LRRC7: variants seen among roughly 807,000 people sequenced by gnomAD.
The protein encoded by LRRC7 is leucine rich repeat containing 7.
A neutral mutation model predicts 175.7 loss-of-function variants in LRRC7; 23 were observed. The observed-to-expected ratio is 0.13, with a 90% CI of 0.09 to 0.19. The LOEUF (loss-of-function observed/expected upper bound fraction) is 0.19, where lower values mean the gene tolerates loss of function less well. Among genes scored for constraint, LRRC7 ranks in the 10% least tolerant of loss-of-function variants. The probability of loss-of-function intolerance (pLI) is 1.00; values close to 1 mark genes in which losing one functional copy is unlikely to be tolerated. For synonymous variants in LRRC7, 685 were observed against 680.9 expected (o/e 1.01, Z -0.09); for missense variants, 1,354 against 1,904.7 (o/e 0.71, Z 5.38).
rs1178276601 is a variant in LRRC7 at position 70,039,675 on chromosome 1, A to G, written c.3851A>G (p.Asp1284Gly). ...GGTAACTATGGTGACAAGCCATCAGATAACAGTGATTTAAAGACGAGGCCT... is the reference window on the plus strand; with the variant it reads ...GGTAACTATGGTGACAAGCCATCAGGTAACAGTGATTTAAAGACGAGGCCT... ...NLGNYGDKPS[D>G]NSDLKTRPTP... Residue 1284 changes from aspartate to glycine, a missense_variant, in exon 21 of 27, where the codon GAT becomes GGT. This residue lies in a region of LRRC7 where 1,032 missense variants were observed against 1,227.2 expected (regional missense o/e 0.84). Coordinates refer to ENST00000651989, the MANE Select transcript of LRRC7 (RefSeq NM_001370785.2). 3.1e-6 allele frequency: 5 copies of G among 1,614,152 alleles called. No individual in the cohort carries two copies. The highest frequency in any genetic ancestry group is 2.2e-5 in the East Asian group (1 of 44,850).
chr1:70,018,796 C>G lies in LRRC7; in HGVS notation c.1398C>G (p.Pro466=). ...KQRVLTNYMF[P]QQPRGDEDFQ... ...GAGTATTGACTAACTACATGTTTCC[C>G]CAGCAGCCTCGTGGTGATGAAGGTA... Residue 466 remains proline, a synonymous_variant, in exon 15 of 27, where the codon CCC becomes CCG. Coordinates refer to ENST00000651989, the MANE Select transcript of LRRC7 (RefSeq NM_001370785.2). 1 of 1,612,274 alleles carries G rather than the reference C, an allele frequency of 6.2e-7. No homozygotes were observed. The highest frequency in any genetic ancestry group is 8.5e-7 in the Non-Finnish European group (1 of 1,178,708).
chr1:69,886,511 C>T (rs1434133266), intron 7 of LRRC7, among the ~76,000 whole-genome samples: 1 of 152,044 alleles, frequency 6.6e-6, no homozygotes, highest in African/African-American at 2.4e-5. Flanking sequence ...TTATGTGTGT[C>T]TCTGCACGTG....
At chr1:70,069,499 A>G (rs1662224276) in intron 23 of LRRC7, among the ~76,000 whole-genome samples, 1 of 152,130 alleles carries the variant, frequency 6.6e-6, no homozygotes, top group Non-Finnish European at 1.5e-5. Flanking sequence ...GACACAGCCA[A>G]ACTTTATCAG....
At chr1:69,607,029 A>G (rs925715600) in intron 1 of LRRC7, 3 of 152,100 alleles carry the variant, frequency 2.0e-5, no homozygotes, top group Admixed American at 1.3e-4. Context: ...ACTATAGGAG[A>G]TAAATAGACA....
At chr1:69,930,419 TTCAA>T (rs1235648187) in intron 7 of LRRC7, among the ~76,000 whole-genome samples, 2 of 152,318 alleles carry the variant, frequency 1.3e-5, no homozygotes, top group Non-Finnish European at 2.9e-5. Flanking sequence ...TTTCTAAGAT[TTCAA>T]TCAATGGTGT....
intron 1 of LRRC7, among the ~76,000 whole-genome samples, chr1:69,632,757 T>C (rs1652713637): frequency 6.6e-6 from 1 of 152,086 alleles, no homozygotes; most frequent in South Asian, 2.1e-4. Flanking sequence ...ATTATTGGAG[T>C]CTCAGTGACT....
intron 4 of LRRC7, among the ~76,000 whole-genome samples, chr1:69,814,614 C>T (rs946356442): frequency 7.9e-5 from 12 of 152,118 alleles, no homozygotes; most frequent in Non-Finnish European, 1.2e-4. Flanking sequence ...ACTTGGTCAC[C>T]TTTCCAACCT....
chr1:70,103,192 A>G (rs551124659), intron 25 of LRRC7, among the ~76,000 whole-genome samples: 3 of 151,904 alleles, frequency 2.0e-5, no homozygotes, highest in East Asian at 1.9e-4. Flanking sequence ...TCATGCCACT[A>G]TACTCCAGCC....
intron 7 of LRRC7, among the ~76,000 whole-genome samples, chr1:69,839,344 A>G (rs565092181): frequency 6.6e-6 from 1 of 152,254 alleles, no homozygotes; most frequent in Non-Finnish European, 1.5e-5. Context: ...TTAATCCTCC[A>G]TAAGAGAAGA....
chr1:69,768,483 C>A (rs985827136), intron 3 of LRRC7, among the ~76,000 whole-genome samples: 1 of 152,136 alleles, frequency 6.6e-6, no homozygotes, highest in Non-Finnish European at 1.5e-5. Flanking sequence ...AAATTTTAAG[C>A]CTCATTGTGT....
At chr1:69,904,642 C>A (rs1646239711) in intron 7 of LRRC7, among the ~76,000 whole-genome samples, 1 of 151,920 alleles carries the variant, frequency 6.6e-6, no homozygotes, top group African/African-American at 2.4e-5. Flanking sequence ...TTTAAATGCA[C>A]TTTCTCCTGA....
At chr1:69,888,477 G>A (rs548746619) in intron 7 of LRRC7, among the ~76,000 whole-genome samples, 13 of 152,056 alleles carry the variant, frequency 8.5e-5, no homozygotes, top group Middle Eastern at 3.4e-3. Flanking sequence ...GCTTTGGCTC[G>A]CGCACGGTGC....
intron 1 of LRRC7, among the ~76,000 whole-genome samples, chr1:69,647,075 A>G (rs936948884): frequency 2.6e-5 from 4 of 152,172 alleles, no homozygotes; most frequent in African/African-American, 9.7e-5. Context: ...CTAGAAATGT[A>G]TTATGGGCAC....
At chr1:69,625,268 A>C (rs1394551002) in intron 1 of LRRC7, among the ~76,000 whole-genome samples, 1 of 151,264 alleles carries the variant, frequency 6.6e-6, no homozygotes, top group Non-Finnish European at 1.5e-5. Flanking sequence ...TGTGAGCATA[A>C]ACTTGGTTAT....
At chr1:69,636,526 A>AT (rs1263948600) in intron 1 of LRRC7, among the ~76,000 whole-genome samples, 2 of 151,632 alleles carry the variant, frequency 1.3e-5, no homozygotes, top group Admixed American at 6.6e-5. Context: ...TCTTGTAATC[A>AT]TTTTTTTTCT....
intron 7 of LRRC7, among the ~76,000 whole-genome samples, chr1:69,881,810 A>T (rs77849235): frequency 3.7e-4 from 56 of 151,478 alleles, no homozygotes; most frequent in African/African-American, 1.0e-3. Flanking sequence ...AACCGAGGAG[A>T]ACAAGACTGC....
At chr1:70,012,176 A>G (rs183460979) in intron 12 of LRRC7, among the ~76,000 whole-genome samples, 12 of 152,154 alleles carry the variant, frequency 7.9e-5, no homozygotes, top group Admixed American at 4.6e-4. Context: ...AATGCTAGGA[A>G]ATATCATTTA....
chr1:69,904,903 TA>T (rs1478170596), intron 7 of LRRC7, among the ~76,000 whole-genome samples: 8 of 152,172 alleles, frequency 5.3e-5, no homozygotes, highest in African/African-American at 1.9e-4. Flanking sequence ...CTCCCACTTA[TA>T]ACTGAGAATA....
chr1:70,084,658 TG>T (rs1258421364), intron 24 of LRRC7, among the ~76,000 whole-genome samples: 21 of 152,314 alleles, frequency 1.4e-4, no homozygotes, highest in African/African-American at 4.8e-4. Flanking sequence ...TCATTTTTCT[TG>T]GGTAGATACA....
Sources: allele counts gnomAD v4.1 joint callset (sites outside exome capture counted in the v4.1 genomes callset), GRCh38; gene constraint gnomAD v4.1.1; regional missense constraint gnomAD v4.1.1; transcripts MANE v1.5; gene names NCBI Gene and HGNC (gene_info 2026-07-23, HGNC 2026-07-21).